The following FAAH2 variants were observed in gnomAD, a reference collection of about 807,000 sequenced individuals.
FAAH2 encodes the protein fatty acid amide hydrolase 2, also known as fatty-acid amide hydrolase 2.
FAAH2 carries 60 observed loss-of-function variants against 36.9 expected under a neutral mutation model. The observed-to-expected ratio is 1.63, with a 90% CI of 1.32 to 2.02. The LOEUF (loss-of-function observed/expected upper bound fraction) is 2.02. Among genes scored for constraint, FAAH2 ranks in the 30% most tolerant of loss-of-function variants. FAAH2 has a pLI of 0.00. For missense variants in FAAH2, 689 were observed against 397.5 expected (o/e 1.73, Z -6.23); for synonymous variants, 214 against 143.8 (o/e 1.49, Z -3.49).
the FAAH2 span, among the ~76,000 whole-genome samples, chrX:57,236,591 A>G: frequency 8.9e-6 from 1 of 112,162 alleles, no homozygotes; most frequent in African/African-American, 3.2e-5. Flanking sequence ...CCCAGTGATT[A>G]GTGATATTGT....
At chrX:57,189,782 G>A in the FAAH2 span, among the ~76,000 whole-genome samples, 1 of 111,662 alleles carries the variant, frequency 9.0e-6, no homozygotes, top group Non-Finnish European at 1.9e-5. Context: ...AGGGGCACCA[G>A]CCCGATGCCA....
At chrX:57,161,445 A>C in the FAAH2 span, among the ~76,000 whole-genome samples, 500 of 110,913 alleles carry the variant, frequency 4.5e-3, 3 homozygotes, top group African/African-American at 0.016. Context: ...GATCTGTCTA[A>C]TGTCGACAGT....
chrX:57,303,300 C>T (rs1250521388), intron 2 of FAAH2, among the ~76,000 whole-genome samples: 1 of 111,612 alleles, frequency 9.0e-6, no homozygotes, highest in Non-Finnish European at 1.9e-5. Flanking sequence ...TGCAGTTCTT[C>T]TCATTGTTTT....
At chrX:57,124,344 T>C in the FAAH2 span, among the ~76,000 whole-genome samples, 403 of 111,739 alleles carry the variant, frequency 3.6e-3, 1 homozygote, top group African/African-American at 0.012. Context: ...GAGGGCTCTG[T>C]TCTGTTCCAT....
At chrX:57,423,642 T>G (rs2056089709) in intron 7 of FAAH2, among the ~76,000 whole-genome samples, 1 of 111,175 alleles carries the variant, frequency 9.0e-6, no homozygotes, top group Non-Finnish European at 1.9e-5. Flanking sequence ...CAGAGGTTCC[T>G]TCACTCCTTC....
At chrX:57,204,457 T>C in the FAAH2 span, among the ~76,000 whole-genome samples, 1 of 112,146 alleles carries the variant, frequency 8.9e-6, no homozygotes, top group Non-Finnish European at 1.9e-5. Context: ...TTACTCATTG[T>C]GACTGGCTGT....
intron 10 of FAAH2, among the ~76,000 whole-genome samples, chrX:57,486,675 A>G (rs984232957): frequency 9.0e-6 from 1 of 111,698 alleles, no homozygotes; most frequent in Non-Finnish European, 1.9e-5. Context: ...AAAGCACCCC[A>G]CAATGATGAG....
chrX:57,242,727 C>T, the FAAH2 span, among the ~76,000 whole-genome samples: 2 of 112,119 alleles, frequency 1.8e-5, no homozygotes, highest in Non-Finnish European at 3.8e-5. Flanking sequence ...GCATTCCAAC[C>T]CACATACTAT....
At chrX:57,209,110 A>T in the FAAH2 span, among the ~76,000 whole-genome samples, 2 of 111,901 alleles carry the variant, frequency 1.8e-5, no homozygotes, top group African/African-American at 3.3e-5. Context: ...AGGTCTAGAA[A>T]TATCCAAGAA....
chrX:57,190,412 G>T, the FAAH2 span, among the ~76,000 whole-genome samples: 2 of 98,023 alleles, frequency 2.0e-5, no homozygotes, highest in East Asian at 3.5e-4. Flanking sequence ...AAACAGTTTT[G>T]TCTCGCTTGG....
chrX:57,347,381 C>T (rs904689438), intron 5 of FAAH2, among the ~76,000 whole-genome samples: 1 of 111,157 alleles, frequency 9.0e-6, no homozygotes, highest in Non-Finnish European at 1.9e-5. Flanking sequence ...GTATTATGAA[C>T]TTTTTGTAGT....
chrX:57,158,018 G>A, the FAAH2 span, among the ~76,000 whole-genome samples: 1 of 109,760 alleles, frequency 9.1e-6, no homozygotes, highest in East Asian at 2.9e-4. Context: ...CCCACAACAG[G>A]CCCCGGTGTG....
At chrX:57,406,429 G>T (rs1212696151) in intron 7 of FAAH2, among the ~76,000 whole-genome samples, 1 of 111,538 alleles carries the variant, frequency 9.0e-6, no homozygotes, top group Non-Finnish European at 1.9e-5. Flanking sequence ...GCTTACCCTG[G>T]GGTACTCTAA....
chrX:57,255,472 A>G, the FAAH2 span, among the ~76,000 whole-genome samples: 2 of 111,985 alleles, frequency 1.8e-5, no homozygotes, highest in Non-Finnish European at 3.8e-5. Context: ...GACACAACCA[A>G]AAAAGAGAAT....
the FAAH2 span, among the ~76,000 whole-genome samples, chrX:57,244,347 C>T: frequency 9.0e-6 from 1 of 110,913 alleles, no homozygotes; most frequent in Non-Finnish European, 1.9e-5. Flanking sequence ...GGAGAACTTC[C>T]CCAACCTAGA....
the FAAH2 span, chrX:57,126,759 C>A: frequency 9.0e-6 from 1 of 111,357 alleles, no homozygotes; most frequent in Non-Finnish European, 1.9e-5. Flanking sequence ...ATTGATTTGG[C>A]ACTGGGCATG....
At chrX:57,349,815 G>C (rs1165439077) in intron 5 of FAAH2, among the ~76,000 whole-genome samples, 3 of 109,864 alleles carry the variant, frequency 2.7e-5, no homozygotes, top group Non-Finnish European at 3.8e-5. Context: ...TGTGAGGATA[G>C]ATCAAAGCTT....
chrX:57,464,872 T>A (rs2057023025), intron 10 of FAAH2, among the ~76,000 whole-genome samples: 1 of 110,832 alleles, frequency 9.0e-6, no homozygotes, highest in Non-Finnish European at 1.9e-5. Context: ...AAAAAAACAA[T>A]GACAACAAAA....
intron 10 of FAAH2, among the ~76,000 whole-genome samples, chrX:57,460,714 C>A (rs1216859270): frequency 8.9e-6 from 1 of 111,734 alleles, no homozygotes; most frequent in Non-Finnish European, 1.9e-5. Context: ...AATATAAAGA[C>A]CAATGACACT....
Sources: allele counts gnomAD v4.1 joint callset (sites outside exome capture counted in the v4.1 genomes callset), GRCh38; gene constraint gnomAD v4.1.1; transcripts MANE v1.5; gene names NCBI Gene and HGNC (gene_info 2026-07-23, HGNC 2026-07-21).